The following RIMBP2 variants were observed in gnomAD, a reference collection of about 807,000 sequenced individuals.
RIMBP2 encodes RIMS-binding protein 2.
Under a neutral mutation model 118.6 loss-of-function variants are expected in RIMBP2, and 48 were observed. The observed-to-expected ratio is 0.40, with a 90% CI of 0.32 to 0.51. The LOEUF (loss-of-function observed/expected upper bound fraction) is 0.51. Ranked by LOEUF, RIMBP2 falls within the 20% of genes least tolerant of loss-of-function variation. The pLI is 0.41. For missense variants in RIMBP2, 1,551 were observed against 1,768.3 expected (o/e 0.88, Z 2.20); for synonymous variants, 762 against 742.9 (o/e 1.03, Z -0.42).
chr12:130,705,444 T>C (rs887656674), intron 1 of RIMBP2, among the ~76,000 whole-genome samples: 5 of 152,190 alleles, frequency 3.3e-5, no homozygotes, highest in African/African-American at 1.2e-4. Context: ...CCATTTGTCA[T>C]GTCCGTGACT....
At chr12:130,544,513 G>T (rs1297586679) in intron 2 of RIMBP2, among the ~76,000 whole-genome samples, 2 of 151,594 alleles carry the variant, frequency 1.3e-5, no homozygotes, top group Non-Finnish European at 2.9e-5. Context: ...ATCTTAGCAC[G>T]CTGGTCATGT....
chr12:130,597,101 A>G (rs1295231830), intron 2 of RIMBP2, among the ~76,000 whole-genome samples: 5 of 152,376 alleles, frequency 3.3e-5, no homozygotes, highest in African/African-American at 1.2e-4. Context: ...TGAGGCTAGC[A>G]TTAGTTACCC....
At chr12:130,644,968 C>A (rs553886332) in intron 1 of RIMBP2, among the ~76,000 whole-genome samples, 1 of 152,346 alleles carries the variant, frequency 6.6e-6, no homozygotes, top group East Asian at 1.9e-4. Flanking sequence ...GAGCCAGCGC[C>A]TAGTCTCTCA....
chr12:130,398,856 A>G (rs888188101), intron 22 of RIMBP2: 5 of 227,004 alleles, frequency 2.2e-5, no homozygotes, highest in African/African-American at 1.1e-4. Context: ...TATGTTCCCA[A>G]TGTTGGCCTT....
At chr12:130,400,645 C>T (rs1235849673) in intron 21 of RIMBP2, among the ~76,000 whole-genome samples, 4 of 152,168 alleles carry the variant, frequency 2.6e-5, no homozygotes, top group African/African-American at 7.2e-5. Context: ...AAAGAGCCTA[C>T]TACATCAAAA....
chr12:130,703,367 C>G lies in RIMBP2; in HGVS notation c.-352+12855G>C, dbSNP rs2136791024. Reference sequence around the variant, plus strand: ...AATTCACTAATAAGAAAATCACCATCTAACATCAGTGTTTGAAAATGACCT... The same window carrying G: ...AATTCACTAATAAGAAAATCACCATGTAACATCAGTGTTTGAAAATGACCT... On this transcript the variant is annotated intron_variant, in intron 1 of 22. Transcript: ENST00000690449. This position sits in a 1 kb window ranked among gnomAD's most constrained non-coding sequence, Gnocchi z 5.7. Among the ~76,000 whole-genome samples, 1 of 152,352 alleles carries G rather than the reference C, an allele frequency of 6.6e-6. No individual in the cohort carries two copies. Among genetic ancestry groups the G allele is most frequent in the East Asian group, 1.9e-4 (1 of 5,184 alleles).
chr12:130,657,360 A>G (rs10848173), intron 1 of RIMBP2, among the ~76,000 whole-genome samples: 86,828 of 152,084 alleles, frequency 0.57, 27,083 homozygotes, highest in Middle Eastern at 0.73. Flanking sequence ...GAGGGCCACA[A>G]TTCAGCTCAT....
chr12:130,626,681 C>T (rs767314628), intron 2 of RIMBP2, among the ~76,000 whole-genome samples: 2 of 150,924 alleles, frequency 1.3e-5, no homozygotes, highest in Non-Finnish European at 3.0e-5. Context: ...ATCACCATCT[C>T]TTCCATCACA....
intron 2 of RIMBP2, among the ~76,000 whole-genome samples, chr12:130,524,533 A>T (rs2052553014): frequency 6.6e-6 from 1 of 152,216 alleles, no homozygotes; most frequent in Non-Finnish European, 1.5e-5. Context: ...AGACGTGAAG[A>T]GGCAAGAAGG....
intron 4 of RIMBP2, among the ~76,000 whole-genome samples, chr12:130,489,454 C>T (rs541676491): frequency 1.3e-5 from 2 of 152,264 alleles, no homozygotes; most frequent in South Asian, 2.1e-4. Flanking sequence ...CAGACGCCCT[C>T]GCCCTCTGCT....
intron 1 of RIMBP2, among the ~76,000 whole-genome samples, chr12:130,671,332 C>T (rs372675559): frequency 1.3e-5 from 2 of 152,302 alleles, no homozygotes; most frequent in East Asian, 3.9e-4. Flanking sequence ...GTTTCCTCAC[C>T]CAAGAGGATG....
At chr12:130,643,182 C>A (rs1259765443) in intron 1 of RIMBP2, among the ~76,000 whole-genome samples, 3 of 152,184 alleles carry the variant, frequency 2.0e-5, no homozygotes, top group South Asian at 2.1e-4. Context: ...GGTGAGAGTT[C>A]CCCCCTGCAC....
chr12:130,535,457 T>C (rs2053906824), intron 2 of RIMBP2, among the ~76,000 whole-genome samples: 1 of 152,060 alleles, frequency 6.6e-6, no homozygotes, highest in Non-Finnish European at 1.5e-5. Context: ...AAGGCTGCAG[T>C]GAGCCAAGAT....
At chr12:130,589,063 G>A (rs1399527836) in intron 2 of RIMBP2, among the ~76,000 whole-genome samples, 1 of 152,216 alleles carries the variant, frequency 6.6e-6, no homozygotes, top group South Asian at 2.1e-4. Flanking sequence ...AGACTGTGTC[G>A]ATAAGACTTG....
chr12:130,639,874 C>T (rs2062536868), intron 1 of RIMBP2, among the ~76,000 whole-genome samples: 1 of 152,194 alleles, frequency 6.6e-6, no homozygotes, highest in African/African-American at 2.4e-5. Flanking sequence ...CAGGCTGCTC[C>T]ATTCTCCAGA....
chr12:130,691,850 C>T (rs2065321252), intron 1 of RIMBP2, among the ~76,000 whole-genome samples: 1 of 152,166 alleles, frequency 6.6e-6, no homozygotes, highest in African/African-American at 2.4e-5. Context: ...AGAATAGAGG[C>T]TTCCTGAGGG....
At chr12:130,664,465 A>ACACACG (rs1555320967) in intron 1 of RIMBP2, among the ~76,000 whole-genome samples, 13 of 122,718 alleles carry the variant, frequency 1.1e-4, no homozygotes, top group Middle Eastern at 4.0e-3. Flanking sequence ...ATGCACGCAC[A>ACACACG]CACACGCACG....
rs576005990 is a variant in RIMBP2, at chr12:130,627,152, C to T, written c.-217+1170G>A. On this transcript the variant is annotated intron_variant, in intron 2 of 22. Transcript: ENST00000690449. ...ATCTCCTCCATCACCAGGACTACGG[C>T]TAGCATCATCACCATCTCCTCCACC... Among the ~76,000 whole-genome samples the T allele has an allele frequency of 2.8e-3, 423 of 152,314 alleles. 4 individuals carry two copies. The highest frequency in any genetic ancestry group is 9.3e-3 in the African/African-American group (385 of 41,560).
chr12:130,504,549 G>T (rs925320350), intron 4 of RIMBP2, among the ~76,000 whole-genome samples: 1 of 152,146 alleles, frequency 6.6e-6, no homozygotes, highest in African/African-American at 2.4e-5. Flanking sequence ...AGCCCTTGCA[G>T]CTGGAAAGGC....
Sources: gnomAD v4.1 joint callset for allele counts (sites outside exome capture counted in the v4.1 genomes callset) on GRCh38, gnomAD v4.1.1 for gene constraint, Gnocchi (gnomAD v3.1) non-coding constraint, MANE v1.5 for transcripts, NCBI Gene and HGNC (gene_info 2026-07-23, HGNC 2026-07-21) for gene names.